Variants in WDPCP observed in about 807,000 individuals in gnomAD.
WDPCP encodes WD repeat-containing and planar cell polarity effector protein fritz homolog.
A neutral mutation model predicts 93.1 loss-of-function variants in WDPCP; 71 were observed. That is an observed-to-expected ratio of 0.76 (90% CI 0.63 to 0.93). The LOEUF (loss-of-function observed/expected upper bound fraction) is 0.93. WDPCP is among the 40% of genes least tolerant of loss of function. WDPCP has a pLI of 0.00. For missense variants in WDPCP, 844 were observed against 887.4 expected (o/e 0.95, Z 0.62); for synonymous variants, 315 against 315.0 (o/e 1.00, Z 0.00).
intron 2 of WDPCP, among the ~76,000 whole-genome samples, chr2:63,709,444 A>G (rs1040508092): frequency 9.2e-5 from 14 of 152,158 alleles, no homozygotes; most frequent in East Asian, 5.8e-4. Context: ...TGCACATTTC[A>G]TATCTAGTCA....
At chr2:63,723,414 T>A (rs1437159290) in intron 2 of WDPCP, among the ~76,000 whole-genome samples, 1 of 152,212 alleles carries the variant, frequency 6.6e-6, no homozygotes, top group Non-Finnish European at 1.5e-5. Flanking sequence ...TCTCTGCCCT[T>A]TTCCCTGGTC....
chr2:63,489,935 G>A (rs1450207823), intron 2 of WDPCP, among the ~76,000 whole-genome samples: 1 of 152,046 alleles, frequency 6.6e-6, no homozygotes, highest in Non-Finnish European at 1.5e-5. Context: ...AGGTAATCAT[G>A]AATATCATCA....
chr2:63,755,568 A>G lies in WDPCP; in HGVS notation n.308+58054T>C, dbSNP rs570707985. 7.9e-5 allele frequency among the ~76,000 whole-genome samples: 12 copies of G among 152,288 alleles called. No homozygotes were observed. In the South Asian group the frequency reaches 2.5e-3, roughly 32 times the overall value. On this transcript the variant is annotated intron_variant and non_coding_transcript_variant, in intron 2 of 4. Transcript: ENST00000467687. ...AACAAAAGTTGACGTTAGTGAGCAA[A>G]TTTCTTTATGTACCCAAACCTACAT...
chr2:63,808,998 C>T (rs1471347047), intron 2 of WDPCP, among the ~76,000 whole-genome samples: 27 of 152,152 alleles, frequency 1.8e-4, no homozygotes, highest in African/African-American at 4.3e-4. Flanking sequence ...CCTGCCGCCC[C>T]GTCTGGGATG....
At chr2:63,254,942 A>G (rs780170405) in intron 14 of WDPCP, among the ~76,000 whole-genome samples, 1 of 152,164 alleles carries the variant, frequency 6.6e-6, no homozygotes, top group Non-Finnish European at 1.5e-5. Context: ...CATCATCACA[A>G]TTAAGAAGTA....
intron 9 of WDPCP, among the ~76,000 whole-genome samples, chr2:63,405,780 G>C (rs770706456): frequency 4.6e-5 from 7 of 151,972 alleles, no homozygotes; most frequent in Non-Finnish European, 7.4e-5. Flanking sequence ...ATATGTAAAT[G>C]ACAGGAGTCC....
chr2:63,381,537 G>C (rs1450333850), intron 11 of WDPCP, among the ~76,000 whole-genome samples: 3 of 151,880 alleles, frequency 2.0e-5, no homozygotes, highest in African/African-American at 7.3e-5. Flanking sequence ...ATGTGAGGGA[G>C]GAATAAAGAC....
At chr2:63,316,821 C>G (rs1686680856) in intron 12 of WDPCP, among the ~76,000 whole-genome samples, 1 of 152,082 alleles carries the variant, frequency 6.6e-6, no homozygotes, top group African/African-American at 2.4e-5. Flanking sequence ...CCCAAAGACT[C>G]CTAGATCTGA....
chr2:63,760,884 C>T (rs1020774105), intron 2 of WDPCP, among the ~76,000 whole-genome samples: 3 of 152,250 alleles, frequency 2.0e-5, no homozygotes, highest in East Asian at 3.9e-4. Flanking sequence ...ATGCAGATGA[C>T]GCCACCCCAC....
intron 2 of WDPCP, among the ~76,000 whole-genome samples, chr2:63,697,863 G>A (rs1668981604): frequency 6.6e-6 from 1 of 152,038 alleles, no homozygotes; most frequent in African/African-American, 2.4e-5. Context: ...GCCCAGGCTG[G>A]TCTTGAACTC....
chr2:63,167,979 G>A (rs1673109234), intron 15 of WDPCP, among the ~76,000 whole-genome samples: 1 of 151,942 alleles, frequency 6.6e-6, no homozygotes, highest in South Asian at 2.1e-4. Context: ...AGCTGCATGT[G>A]GTGACACATG....
intron 12 of WDPCP, among the ~76,000 whole-genome samples, chr2:63,349,421 C>G (rs1689422527): frequency 6.6e-6 from 1 of 152,070 alleles, no homozygotes; most frequent in Non-Finnish European, 1.5e-5. Context: ...AAATTTCACT[C>G]TATTCTAAGC....
chr2:63,404,766 T>A (rs755945816), intron 9 of WDPCP, 109 bp from the exon 10 acceptor site: 7 of 1,342,478 alleles, frequency 5.2e-6, no homozygotes, highest in Non-Finnish European at 7.3e-6. Flanking sequence ...TCAATTACTA[T>A]CTTAAACATC....
chr2:63,497,564 T>G (rs1701307737), intron 1 of WDPCP, among the ~76,000 whole-genome samples: 1 of 152,150 alleles, frequency 6.6e-6, no homozygotes, highest in Non-Finnish European at 1.5e-5. Context: ...TAAAACAAGT[T>G]TGTAAAAATC....
At chr2:63,643,688 T>C (rs1326454918) in intron 3 of WDPCP, 3 of 480,260 alleles carry the variant, frequency 6.2e-6, no homozygotes, top group Non-Finnish European at 4.2e-6. Flanking sequence ...AACTTGTACT[T>C]AGCCTCCTCA....
rs897483212 is a variant in WDPCP at position 63,303,017 on chromosome 2, G to A, written c.1812+10231C>T. On this transcript the variant is annotated intron_variant, in intron 13 of 17. Transcript: ENST00000272321. Reference sequence around the variant, plus strand: ...ATCAGAAGCCAGTTTTCTGAGTGGGGTCAGGGTATATACCCCAAAGTAGCC... The same window carrying A: ...ATCAGAAGCCAGTTTTCTGAGTGGGATCAGGGTATATACCCCAAAGTAGCC... 2.0e-5 allele frequency among the ~76,000 whole-genome samples: 3 copies of A among 152,164 alleles called. No homozygotes were observed. The East Asian group carries it at 5.8e-4, about 29-fold the overall frequency.
intron 1 of WDPCP, among the ~76,000 whole-genome samples, chr2:63,512,912 A>G (rs569981684): frequency 6.6e-6 from 1 of 152,196 alleles, no homozygotes; most frequent in South Asian, 2.1e-4. Context: ...AAAAAAAAAA[A>G]GAATCCAGGA....
intron 1 of WDPCP, among the ~76,000 whole-genome samples, chr2:63,579,618 A>G (rs1374793796): frequency 6.6e-6 from 1 of 152,170 alleles, no homozygotes; most frequent in Non-Finnish European, 1.5e-5. Context: ...TCAAACAAAA[A>G]GAAAAAGAAA....
rs1298165042 is a variant in WDPCP, at chr2:63,366,741, T to A, written c.1748+11645A>T. Among the ~76,000 whole-genome samples, 9 of 152,124 alleles carry A rather than the reference T, an allele frequency of 5.9e-5. No individual in the cohort carries two copies. In the East Asian group the frequency reaches 1.2e-3, roughly 20 times the overall value. ...ACATCAGTATGTATCTCCCTTCTTATCAAATACCTCTAGAAGAAAACTCCT... is the reference window on the plus strand; with the variant it reads ...ACATCAGTATGTATCTCCCTTCTTAACAAATACCTCTAGAAGAAAACTCCT... On this transcript the variant is annotated intron_variant, in intron 12 of 17. Coordinates refer to ENST00000272321, the MANE Select transcript of WDPCP (RefSeq NM_015910.7).
Sources: allele counts gnomAD v4.1 joint callset (sites outside exome capture counted in the v4.1 genomes callset), GRCh38; gene constraint gnomAD v4.1.1; transcripts MANE v1.5; gene names NCBI Gene and HGNC (gene_info 2026-07-23, HGNC 2026-07-21).